Variants in PBX1 observed in about 807,000 individuals in gnomAD.
PBX1 encodes the protein PBX homeobox 1.
In PBX1, 6 loss-of-function variants were observed where a neutral mutation model predicts 53.4. The ratio of observed to expected loss-of-function variants is 0.11; its 90% CI spans 0.06 to 0.22. The LOEUF (loss-of-function observed/expected upper bound fraction) is 0.22. Ranked by LOEUF, PBX1 falls within the 10% of genes least tolerant of loss-of-function variation. The pLI, the probability that PBX1 is intolerant of heterozygous loss-of-function variation, is 1.00. For synonymous variants in PBX1, 204 were observed against 212.3 expected, an observed-to-expected ratio of 0.96 and a Z score of 0.34; for missense variants, 251 against 551.4, an observed-to-expected ratio of 0.46 and a Z score of 5.46.
At chr1:164,610,048 G>T (rs1656804726) in intron 2 of PBX1, among the ~76,000 whole-genome samples, 1 of 152,136 alleles carries the variant, frequency 6.6e-6, no homozygotes, top group African/African-American at 2.4e-5. Flanking sequence ...GATGCCCTCT[G>T]TCGAAGGGCC....
At chr1:164,841,652 G>A (rs1257528707) in intron 8 of PBX1, among the ~76,000 whole-genome samples, 3 of 152,124 alleles carry the variant, frequency 2.0e-5, no homozygotes, top group Non-Finnish European at 4.4e-5. Context: ...TTGGGAAAGT[G>A]TTAAGCATAT....
chr1:164,731,185 A>G (rs1283134458), intron 2 of PBX1, among the ~76,000 whole-genome samples: 1 of 152,070 alleles, frequency 6.6e-6, no homozygotes, highest in East Asian at 1.9e-4. Flanking sequence ...GGCTCTAGGG[A>G]CTTCTCCATA....
intron 2 of PBX1, chr1:164,680,714 C>T (rs1661710447): frequency 6.6e-6 from 1 of 152,204 alleles, no homozygotes. Flanking sequence ...TGAACTGAAT[C>T]TGCTTCAGTG....
At chr1:164,565,643 C>T (rs1368918586) in intron 2 of PBX1, among the ~76,000 whole-genome samples, 4 of 152,072 alleles carry the variant, frequency 2.6e-5, no homozygotes, top group African/African-American at 4.8e-5. Context: ...TTCTAAAGCA[C>T]GATTACTTGG....
intron 2 of PBX1, among the ~76,000 whole-genome samples, chr1:164,634,928 T>C (rs913253430): frequency 4.6e-5 from 7 of 152,084 alleles, no homozygotes; most frequent in Non-Finnish European, 8.8e-5. Context: ...AGCCTATTCT[T>C]AGCATCATAG....
intron 2 of PBX1, among the ~76,000 whole-genome samples, chr1:164,859,569 T>A (rs144181113): frequency 6.6e-6 from 1 of 152,210 alleles, no homozygotes; most frequent in Non-Finnish European, 1.5e-5. Context: ...TTTCTATGCA[T>A]TGCCAATACC....
At position 164,884,687 on chromosome 1, in the gene PBX1, T is replaced by C. The variant is rs1672737509; in HGVS notation, n.258-14501T>C. The C allele has an allele frequency of 2.2e-5, 7 of 325,322 alleles. No individual in the cohort carries two copies. In the South Asian group the frequency reaches 2.3e-4, roughly 11 times the overall value. 20.2% of individuals were successfully genotyped at this position (325,322 alleles called of 1,614,324 possible). A position where few individuals can be genotyped will look rare whatever the true frequency, so the allele number is the denominator to read the frequency against. ...ACTGACTTTTGAAGAAGCAAAAGGA[T>C]ACCTGCTGGCCAGTCATATCAGCCA... On this transcript the variant is annotated intron_variant and non_coding_transcript_variant, in intron 2 of 2. Transcript: ENST00000558796.
chr1:164,732,488 G>C (rs1417925406), intron 2 of PBX1, among the ~76,000 whole-genome samples: 1 of 152,082 alleles, frequency 6.6e-6, no homozygotes, highest in Admixed American at 6.5e-5. Context: ...CTAGTTCATG[G>C]AGGAAGTGGA....
intron 2 of PBX1, among the ~76,000 whole-genome samples, chr1:164,716,685 TACACACACAC>T (rs375539653): frequency 2.4e-4 from 28 of 115,856 alleles, no homozygotes; most frequent in South Asian, 7.9e-4. Flanking sequence ...ATGTCATCTC[TACACACACAC>T]ACACACACAC....
chr1:164,709,982 G>A (rs2102070256), intron 2 of PBX1, among the ~76,000 whole-genome samples: 1 of 152,334 alleles, frequency 6.6e-6, no homozygotes, highest in South Asian at 2.1e-4. Flanking sequence ...TGCTCCCTGG[G>A]TGTGAGGCCC....
chr1:164,706,859 A>G (rs1663453181), intron 2 of PBX1, among the ~76,000 whole-genome samples: 1 of 152,194 alleles, frequency 6.6e-6, no homozygotes, highest in Non-Finnish European at 1.5e-5. Context: ...ACCATGGATG[A>G]GGCAGCAGGC....
chr1:164,738,765 GA>G (rs1161174804), intron 2 of PBX1, among the ~76,000 whole-genome samples: 1 of 152,168 alleles, frequency 6.6e-6, no homozygotes, highest in Non-Finnish European at 1.5e-5. Context: ...TCCATGCTCA[GA>G]TGCATAGTTC....
At chr1:164,805,250 C>T (rs986253826) in intron 4 of PBX1, among the ~76,000 whole-genome samples, 1 of 152,198 alleles carries the variant, frequency 6.6e-6, no homozygotes, top group Non-Finnish European at 1.5e-5. Flanking sequence ...AAGGTGATAA[C>T]ACTTCAAGCC....
chr1:164,758,906 A>G (rs906585866), intron 2 of PBX1, among the ~76,000 whole-genome samples: 1 of 152,174 alleles, frequency 6.6e-6, no homozygotes, highest in Non-Finnish European at 1.5e-5. Context: ...TCCAGGATCC[A>G]GTGGGAGTGA....
At chr1:164,613,925 C>T (rs60763993) in intron 2 of PBX1, among the ~76,000 whole-genome samples, 1 of 151,992 alleles carries the variant, frequency 6.6e-6, no homozygotes, top group Non-Finnish European at 1.5e-5. Context: ...CAGTATGCAC[C>T]GAGAACCTTA....
intron 8 of PBX1, among the ~76,000 whole-genome samples, chr1:164,825,554 A>AT: frequency 6.6e-6 from 1 of 152,238 alleles, no homozygotes; most frequent in Non-Finnish European, 1.5e-5. Flanking sequence ...ACTACTTTAA[A>AT]TGCTTATCCA....
At chr1:164,825,022 C>T (rs569245979) in intron 8 of PBX1, among the ~76,000 whole-genome samples, 18 of 152,326 alleles carry the variant, frequency 1.2e-4, no homozygotes, top group Admixed American at 7.2e-4. Context: ...ACCCTGAGTA[C>T]GACATTCAGG....
chr1:164,629,536 G>C (rs866885501), intron 2 of PBX1, among the ~76,000 whole-genome samples: 1 of 152,176 alleles, frequency 6.6e-6, no homozygotes, highest in Non-Finnish European at 1.5e-5. Context: ...GGGAAACTGA[G>C]ACCCAAAGGG....
At chr1:164,639,010 AG>A (rs1658959562) in intron 2 of PBX1, among the ~76,000 whole-genome samples, 1 of 152,212 alleles carries the variant, frequency 6.6e-6, no homozygotes, top group African/African-American at 2.4e-5. Context: ...GCCAGAGTAC[AG>A]GCTTGGCATC....
Sources: gnomAD v4.1 joint callset for allele counts (sites outside exome capture counted in the v4.1 genomes callset) on GRCh38, gnomAD v4.1.1 for gene constraint, MANE v1.5 for transcripts, NCBI Gene and HGNC (gene_info 2026-07-23, HGNC 2026-07-21) for gene names.